The following DCDC1 variants were observed in gnomAD, a reference collection of about 807,000 sequenced individuals.
The protein encoded by DCDC1 is doublecortin domain-containing protein 1.
In DCDC1, 200 loss-of-function variants were observed where a neutral mutation model predicts 178.3. The observed-to-expected ratio is 1.12, with a 90% CI of 1.00 to 1.26. DCDC1 has a LOEUF of 1.26. Ranked by LOEUF, DCDC1 falls within the 50% of genes most tolerant of loss-of-function variation. The probability of loss-of-function intolerance (pLI) is 0.00; values close to 1 mark genes in which losing one functional copy is unlikely to be tolerated. For synonymous variants in DCDC1, 690 were observed against 604.8 expected (o/e 1.14, Z -2.07); for missense variants, 1,983 against 1,749.2 (o/e 1.13, Z -2.38).
intron 34 of DCDC1, 99 bp from the exon 35 acceptor site, chr11:30,894,483 G>A: frequency 2.0e-6 from 3 of 1,488,902 alleles, no homozygotes; most frequent in African/African-American, 2.8e-5. Flanking sequence ...TTCCACACAG[G>A]AGCATAAGCT....
At chr11:31,100,714 G>A (rs993360055) in intron 15 of DCDC1, among the ~76,000 whole-genome samples, 3 of 152,190 alleles carry the variant, frequency 2.0e-5, no homozygotes, top group Non-Finnish European at 4.4e-5. Context: ...GGAAAGGTAA[G>A]TTGAGAGCGG....
intron 9 of DCDC1, among the ~76,000 whole-genome samples, chr11:31,152,016 C>A (rs1565353629): frequency 6.6e-6 from 1 of 152,120 alleles, no homozygotes; most frequent in Non-Finnish European, 1.5e-5. Flanking sequence ...TTGATGTAAT[C>A]ATTTCATGAT....
intron 9 of DCDC1, among the ~76,000 whole-genome samples, chr11:31,180,817 G>GT (rs371979638): frequency 2.0e-4 from 30 of 148,878 alleles, no homozygotes; most frequent in South Asian, 4.3e-4. Flanking sequence ...TTTTTTTGTT[G>GT]TTTTTTTTTT....
chr11:31,243,366 G>T (rs925706386), intron 8 of DCDC1, among the ~76,000 whole-genome samples: 13 of 151,460 alleles, frequency 8.6e-5, no homozygotes, highest in African/African-American at 3.1e-4. Flanking sequence ...CATTGAACCT[G>T]GCATACTTTT....
intron 9 of DCDC1, among the ~76,000 whole-genome samples, chr11:31,218,709 A>G (rs529178253): frequency 2.6e-5 from 4 of 152,226 alleles, no homozygotes; most frequent in Non-Finnish European, 5.9e-5. Context: ...TTAAAAACTC[A>G]GTGTCTAACT....
chr11:31,029,509 A>G (rs1331090357), intron 20 of DCDC1, among the ~76,000 whole-genome samples: 1 of 152,090 alleles, frequency 6.6e-6, no homozygotes, highest in Non-Finnish European at 1.5e-5. Flanking sequence ...GGAGGGGACA[A>G]ATATAGTTTT....
chr11:31,186,535 G>T (rs1969515280), intron 9 of DCDC1, among the ~76,000 whole-genome samples: 2 of 152,092 alleles, frequency 1.3e-5, no homozygotes, highest in Admixed American at 1.3e-4. Context: ...AACAGCCTCA[G>T]TGCCACTCAT....
At chr11:31,364,033 T>C (rs1057330730) in intron 1 of DCDC1, among the ~76,000 whole-genome samples, 1 of 152,176 alleles carries the variant, frequency 6.6e-6, no homozygotes, top group African/African-American at 2.4e-5. Context: ...CAGCTGCCAG[T>C]GAACCATGCA....
At chr11:31,213,984 A>T (rs2774407) in intron 9 of DCDC1, among the ~76,000 whole-genome samples, 14,017 of 152,090 alleles carry the variant, frequency 0.092, 1,771 homozygotes, top group African/African-American at 0.28. Flanking sequence ...TCTCTGGGGA[A>T]TAGTTTTGGT....
intron 20 of DCDC1, among the ~76,000 whole-genome samples, chr11:30,973,842 A>C (rs1949949739): frequency 6.6e-6 from 1 of 152,190 alleles, no homozygotes; most frequent in Non-Finnish European, 1.5e-5. Context: ...TAGATAGAAA[A>C]TTAAGAAAGA....
At chr11:31,291,954 C>A (rs944568904) in intron 6 of DCDC1, among the ~76,000 whole-genome samples, 1 of 151,892 alleles carries the variant, frequency 6.6e-6, no homozygotes, top group African/African-American at 2.4e-5. Flanking sequence ...TAATAACCTT[C>A]GAGTCTCACA....
chr11:30,981,442 T>G (rs1950389934), intron 20 of DCDC1, among the ~76,000 whole-genome samples: 1 of 152,210 alleles, frequency 6.6e-6, no homozygotes, highest in Non-Finnish European at 1.5e-5. Context: ...GTCAGCACTC[T>G]GGAAGGGCTG....
intron 20 of DCDC1, among the ~76,000 whole-genome samples, chr11:31,027,363 G>A (rs982397991): frequency 6.6e-6 from 1 of 151,740 alleles, no homozygotes; most frequent in Non-Finnish European, 1.5e-5. Context: ...CACAAAGGAT[G>A]AGGCCTGATA....
intron 20 of DCDC1, among the ~76,000 whole-genome samples, chr11:31,031,147 C>A (rs1953598072): frequency 6.6e-6 from 1 of 152,024 alleles, no homozygotes; most frequent in East Asian, 1.9e-4. Flanking sequence ...AATTTTGAAT[C>A]ACGAACATGT....
At chr11:31,198,630 CT>C (rs1970959240) in intron 9 of DCDC1, among the ~76,000 whole-genome samples, 2 of 152,026 alleles carry the variant, frequency 1.3e-5, no homozygotes, top group Non-Finnish European at 2.9e-5. Flanking sequence ...TTGGCCTCCT[CT>C]TTACTTTCCT....
intron 20 of DCDC1, among the ~76,000 whole-genome samples, chr11:31,056,412 T>G (rs1366562346): frequency 6.6e-6 from 1 of 152,094 alleles, no homozygotes; most frequent in Non-Finnish European, 1.5e-5. Flanking sequence ...ACAGAGATTG[T>G]AATACTGCAC....
chr11:30,982,505 G>T (rs548782118), intron 20 of DCDC1, among the ~76,000 whole-genome samples: 136 of 152,016 alleles, frequency 8.9e-4, no homozygotes, highest in Admixed American at 1.7e-3. Context: ...AGGAGCCTTA[G>T]GAATTAATTG....
chr11:30,881,736 G>A (rs1565020074), intron 36 of DCDC1, among the ~76,000 whole-genome samples: 1 of 152,116 alleles, frequency 6.6e-6, no homozygotes, highest in Non-Finnish European at 1.5e-5. Flanking sequence ...CTTCAAAAGA[G>A]TCTCCTCAAT....
intron 13 of DCDC1, among the ~76,000 whole-genome samples, chr11:31,104,299 T>C (rs991598794): frequency 6.6e-6 from 1 of 152,154 alleles, no homozygotes; most frequent in Non-Finnish European, 1.5e-5. Flanking sequence ...TATTGTACAC[T>C]ATGAGCCATT....
Sources: gnomAD v4.1 joint callset for allele counts (sites outside exome capture counted in the v4.1 genomes callset) on GRCh38, gnomAD v4.1.1 for gene constraint, MANE v1.5 for transcripts, NCBI Gene and HGNC (gene_info 2026-07-23, HGNC 2026-07-21) for gene names.